USH2A: variants seen among roughly 807,000 people sequenced by gnomAD.
USH2A encodes the protein Usher syndrome 2A (autosomal recessive, mild).
Under a neutral mutation model 538.9 loss-of-function variants are expected in USH2A, and 443 were observed. The ratio of observed to expected loss-of-function variants is 0.82; its 90% CI spans 0.76 to 0.89. The LOEUF (loss-of-function observed/expected upper bound fraction) is 0.89. Among genes scored for constraint, USH2A ranks in the 40% least tolerant of loss-of-function variants. USH2A has a pLI of 0.00. For synonymous variants in USH2A, 2,413 were observed against 2,273.5 expected, an observed-to-expected ratio of 1.06 and a Z score of -1.75; for missense variants, 6,633 against 6,324.8, an observed-to-expected ratio of 1.05 and a Z score of -1.65.
At chr1:215,759,971 A>G in intron 56 of USH2A, 128 bp from the exon 57 acceptor site, 1 of 996,980 alleles carries the variant, frequency 1.0e-6, no homozygotes, top group South Asian at 1.4e-5. Context: ...AACTGTATGG[A>G]ACAAAAATAC....
At chr1:215,969,469 C>G (rs1382056123) in intron 36 of USH2A, among the ~76,000 whole-genome samples, 1 of 152,058 alleles carries the variant, frequency 6.6e-6, no homozygotes, top group Admixed American at 6.6e-5. Flanking sequence ...AATTTTGTAG[C>G]CAGAACTACC....
chr1:216,324,405 T>C, intron 6 of USH2A, 53 bp from the exon 7 acceptor site: 6 of 1,464,408 alleles, frequency 4.1e-6, no homozygotes, highest in South Asian at 1.2e-5. Context: ...TAACCATCAG[T>C]ATATATCAAA....
chr1:216,259,113 C>T (rs763541093), intron 11 of USH2A, among the ~76,000 whole-genome samples: 21 of 152,096 alleles, frequency 1.4e-4, no homozygotes, highest in Non-Finnish European at 8.8e-5. Context: ...AAATTGGAAT[C>T]CTGAAACTTC....
chr1:216,015,876 A>T (rs1668697808), intron 32 of USH2A, among the ~76,000 whole-genome samples: 1 of 152,332 alleles, frequency 6.6e-6, no homozygotes, highest in Non-Finnish European at 1.5e-5. Context: ...TCATGCTGCT[A>T]TAAAGACACA....
intron 4 of USH2A, among the ~76,000 whole-genome samples, chr1:216,348,323 T>G (rs541465920): frequency 7.0e-4 from 107 of 152,278 alleles, no homozygotes; most frequent in Admixed American, 1.5e-3. Context: ...CAATCTTGAC[T>G]TATAAAGCCA....
intron 11 of USH2A, among the ~76,000 whole-genome samples, chr1:216,287,946 G>T (rs949227013): frequency 2.0e-5 from 3 of 152,016 alleles, no homozygotes; most frequent in Non-Finnish European, 4.4e-5. Flanking sequence ...ATACTTATTG[G>T]GGGCTTTTTA....
chr1:215,879,542 T>G (rs565352018), intron 41 of USH2A, among the ~76,000 whole-genome samples: 1 of 152,316 alleles, frequency 6.6e-6, no homozygotes, highest in African/African-American at 2.4e-5. Flanking sequence ...ATAAGTCACT[T>G]TTTCTTGGAG....
rs139954182 is a variant in USH2A, at chr1:216,162,823, T to C, written c.4627+12429A>G. 5.8e-3 allele frequency among the ~76,000 whole-genome samples: 889 copies of C among 152,136 alleles called. 7 individuals carry two copies. The highest frequency in any genetic ancestry group is 5.8e-3 in the Non-Finnish European group (392 of 67,974). On this transcript the variant is annotated intron_variant, in intron 21 of 71. Transcript: ENST00000307340. ...TCTATGTTGCCTGTGAAATCTCTAC[T>C]TAGCTCCAACTACCAAGCAGATCTT...
chr1:216,197,143 T>C (rs1180974057), intron 18 of USH2A, among the ~76,000 whole-genome samples: 5 of 152,160 alleles, frequency 3.3e-5, no homozygotes, highest in Admixed American at 2.6e-4. Context: ...GCCAATCCAA[T>C]GCAGCTGGCT....
At chr1:216,188,133 C>T (rs1404471179) in intron 20 of USH2A, among the ~76,000 whole-genome samples, 2 of 151,832 alleles carry the variant, frequency 1.3e-5, no homozygotes, top group East Asian at 1.9e-4. Flanking sequence ...GTTTTAATCG[C>T]CTCACCAGTA....
At chr1:215,759,380 T>C (rs546030013) in intron 57 of USH2A, among the ~76,000 whole-genome samples, 31 of 152,280 alleles carry the variant, frequency 2.0e-4, no homozygotes, top group Admixed American at 5.2e-4. Context: ...TTTTTGAAGA[T>C]AATTTGGTAA....
intron 4 of USH2A, among the ~76,000 whole-genome samples, chr1:216,332,126 T>C (rs12030122): frequency 0.1 from 15,292 of 152,140 alleles, 927 homozygotes; most frequent in African/African-American, 0.17. Context: ...GCCTAGTTAC[T>C]GCTAGAGGAT....
chr1:215,890,239 T>A (rs1315073301), intron 40 of USH2A, among the ~76,000 whole-genome samples: 1 of 152,216 alleles, frequency 6.6e-6, no homozygotes. Flanking sequence ...AACATTAGAT[T>A]TTATTGAAAA....
intron 3 of USH2A, among the ~76,000 whole-genome samples, chr1:216,376,120 A>G (rs914533519): frequency 6.6e-6 from 1 of 152,236 alleles, no homozygotes; most frequent in Non-Finnish European, 1.5e-5. Context: ...CAAAATGTGA[A>G]GCATACACAA....
chr1:215,744,719 T>C (rs766089221), intron 58 of USH2A, among the ~76,000 whole-genome samples: 1 of 152,186 alleles, frequency 6.6e-6, no homozygotes, highest in Non-Finnish European at 1.5e-5. Flanking sequence ...CTCAGGATTT[T>C]GTGTAGGATA....
chr1:216,028,097 C>G (rs1284128314), intron 32 of USH2A, among the ~76,000 whole-genome samples: 1 of 152,068 alleles, frequency 6.6e-6, no homozygotes, highest in Non-Finnish European at 1.5e-5. Flanking sequence ...TTTAAAGATT[C>G]ACAGAAGTGG....
At chr1:216,280,493 T>C (rs989596560) in intron 11 of USH2A, among the ~76,000 whole-genome samples, 7 of 151,988 alleles carry the variant, frequency 4.6e-5, no homozygotes, top group Non-Finnish European at 1.0e-4. Context: ...AAATATACAC[T>C]CATATAGTAA....
At chr1:215,647,001 C>T (rs944124058) in intron 67 of USH2A, among the ~76,000 whole-genome samples, 1 of 152,220 alleles carries the variant, frequency 6.6e-6, no homozygotes, top group Non-Finnish European at 1.5e-5. Flanking sequence ...CGACACTCGC[C>T]TAACGATGCA....
chr1:216,359,556 T>C (rs985152141), intron 4 of USH2A, among the ~76,000 whole-genome samples: 3 of 151,996 alleles, frequency 2.0e-5, no homozygotes, highest in Admixed American at 1.3e-4. Context: ...CCTTCTTTTT[T>C]AAAACTAGAC....
Sources: allele counts gnomAD v4.1 joint callset (sites outside exome capture counted in the v4.1 genomes callset), GRCh38; gene constraint gnomAD v4.1.1; transcripts MANE v1.5; gene names NCBI Gene and HGNC (gene_info 2026-07-23, HGNC 2026-07-21).